LEPR: variants seen among roughly 807,000 people sequenced by gnomAD.
The protein encoded by LEPR is leptin receptor.
Under a neutral mutation model 114.7 loss-of-function variants are expected in LEPR, and 56 were observed. That is an observed-to-expected ratio of 0.49 (90% CI 0.39 to 0.61). LEPR has a LOEUF of 0.61. Among genes scored for constraint, LEPR ranks in the 20% least tolerant of loss-of-function variants. The pLI is 0.00. For missense variants in LEPR, 1,202 were observed against 1,352.9 expected (o/e 0.89, Z 1.75); for synonymous variants, 443 against 461.4 (o/e 0.96, Z 0.51).
intron 5 of LEPR, among the ~76,000 whole-genome samples, chr1:65,579,477 T>G (rs1243596245): frequency 6.6e-6 from 1 of 152,206 alleles, no homozygotes; most frequent in Non-Finnish European, 1.5e-5. Flanking sequence ...TACCTCAACT[T>G]CTGAGTATTG....
intron 2 of LEPR, among the ~76,000 whole-genome samples, chr1:65,478,802 T>C (rs1463086056): frequency 1.3e-5 from 2 of 152,100 alleles, no homozygotes; most frequent in African/African-American, 4.8e-5. Flanking sequence ...AGAAAAGTAG[T>C]CAACCACCAT....
At chr1:65,598,936 A>T in intron 8 of LEPR, 132 bp downstream of exon 8, 5 of 1,357,840 alleles carry the variant, frequency 3.7e-6, no homozygotes, top group Non-Finnish European at 4.0e-6. Flanking sequence ...TCCTTGTTTA[A>T]ACTTTGAACA....
At chr1:65,466,376 G>A (rs1647012693) in intron 2 of LEPR, among the ~76,000 whole-genome samples, 1 of 152,182 alleles carries the variant, frequency 6.6e-6, no homozygotes, top group South Asian at 2.1e-4. Flanking sequence ...GGCTTGTAGG[G>A]TTTCTGCCGA....
At chr1:65,521,121 C>A (rs1782755) in intron 2 of LEPR, among the ~76,000 whole-genome samples, 38,398 of 152,182 alleles carry the variant, frequency 0.25, 6,116 homozygotes, top group African/African-American at 0.44. Flanking sequence ...CTGATTTTTC[C>A]GTAACAGACG....
chr1:65,557,863 T>G (rs1652936072), intron 2 of LEPR, among the ~76,000 whole-genome samples: 1 of 152,226 alleles, frequency 6.6e-6, no homozygotes, highest in Non-Finnish European at 1.5e-5. Flanking sequence ...CTTTTTACAC[T>G]TGTGATTGTT....
At chr1:65,449,684 CT>C (rs370512340) in intron 2 of LEPR, among the ~76,000 whole-genome samples, 283 of 139,712 alleles carry the variant, frequency 2.0e-3, no homozygotes, top group East Asian at 2.7e-3. Context: ...GCCTATTTAT[CT>C]TTTTTTTTTT....
intron 3 of LEPR, among the ~76,000 whole-genome samples, chr1:65,569,874 A>G (rs1210264220): frequency 2.0e-5 from 3 of 152,044 alleles, no homozygotes; most frequent in Non-Finnish European, 4.4e-5. Context: ...TTTTTGTGTA[A>G]TGTGCTAAGG....
Position 65,636,356 on chromosome 1 carries a change from G to A in LEPR, c.2839G>A (p.Asp947Asn), listed in dbSNP as rs1051707790. 1 of 1,614,042 alleles carries A rather than the reference G, an allele frequency of 6.2e-7. No homozygotes were observed. The highest frequency in any genetic ancestry group is 8.5e-7 in the Non-Finnish European group (1 of 1,179,982). Reference protein sequence around the residue: ...TTVVSLLSTTDLEKGSVCISD... With the variant: ...TTVVSLLSTTNLEKGSVCISD... ...TGTGGTCTCTCTACTTTCAACAACA[G>A]ATCTTGAAAAGGGTTCTGTTTGTAT... is the stretch of plus-strand genomic sequence containing the variant. The change falls in exon 20 of 20, where the codon GAT becomes AAT. Residue 947 changes from aspartate (D) to asparagine (N), a missense_variant. By Grantham distance (23) the Asp-to-Asn change is conservative. Transcript: ENST00000349533.
chr1:65,501,767 A>C (rs1648465731), intron 2 of LEPR, among the ~76,000 whole-genome samples: 1 of 152,138 alleles, frequency 6.6e-6, no homozygotes, highest in South Asian at 2.1e-4. Context: ...GCAGTGTCAA[A>C]TATGTGAATC....
intron 2 of LEPR, chr1:65,434,356 C>A (rs1391458126): frequency 1.0e-6 from 1 of 985,030 alleles, no homozygotes; most frequent in Non-Finnish European, 1.2e-6. Context: ...TTTGGAGATT[C>A]AGAGCATAGT....
chr1:65,425,931 A>G (rs983286176), intron 2 of LEPR, among the ~76,000 whole-genome samples: 1 of 152,146 alleles, frequency 6.6e-6, no homozygotes, highest in Non-Finnish European at 1.5e-5. Context: ...AATGCTTCCC[A>G]TGTGCCAGCT....
chr1:65,539,074 TTG>T (rs1650986942), intron 2 of LEPR, among the ~76,000 whole-genome samples: 1 of 150,602 alleles, frequency 6.6e-6, no homozygotes, highest in Non-Finnish European at 1.5e-5. Context: ...TTTTTTTTTT[TTG>T]CCTTTGGGGG....
intron 2 of LEPR, among the ~76,000 whole-genome samples, chr1:65,541,671 T>C (rs1442555103): frequency 1.3e-5 from 2 of 152,202 alleles, no homozygotes; most frequent in African/African-American, 4.8e-5. Context: ...TGTTAAATTT[T>C]TGATACTTGA....
chr1:65,615,933 T>G, intron 14 of LEPR, 75 bp from the exon 15 acceptor site: 2 of 1,586,880 alleles, frequency 1.3e-6, no homozygotes, highest in Non-Finnish European at 1.7e-6. Context: ...AAATGTAGAA[T>G]GAGAGTTATG....
intron 2 of LEPR, among the ~76,000 whole-genome samples, chr1:65,523,729 T>G (rs1649758566): frequency 1.3e-5 from 2 of 152,354 alleles, no homozygotes; most frequent in South Asian, 4.1e-4. Flanking sequence ...TTGATCTCTA[T>G]TAGTTTACTA....
chr1:65,633,257 A>ACC lies in LEPR; in HGVS notation c.2674-2934_2674-2933insCC, dbSNP rs1225305808. ...TTAGAAGATTTTTACATTTTGAAGA[A>ACC]GGGGAGCAAATCTAAAAAAAATTCA... On this transcript the variant is annotated intron_variant, in intron 19 of 19. Transcript: ENST00000349533. The surrounding 1 kb of genome is among the most constrained non-coding windows in gnomAD (Gnocchi z 4.1). 2.6e-6 allele frequency: 4 copies of ACC among 1,566,212 alleles called. No individual in the cohort carries two copies. The highest frequency in any genetic ancestry group is 3.4e-6 in the Non-Finnish European group (4 of 1,160,550).
At chr1:65,526,686 A>G (rs1260434675) in intron 2 of LEPR, among the ~76,000 whole-genome samples, 1 of 152,112 alleles carries the variant, frequency 6.6e-6, no homozygotes, top group Non-Finnish European at 1.5e-5. Context: ...TTTATTACCT[A>G]TGACACTGTG....
chr1:65,549,266 T>G (rs567825524), intron 2 of LEPR, among the ~76,000 whole-genome samples: 151 of 150,624 alleles, frequency 1.0e-3, no homozygotes, highest in African/African-American at 3.4e-3. Flanking sequence ...TCAACTTTGG[T>G]GAATCTGACA....
chr1:65,490,742 G>T (rs1029797919), intron 2 of LEPR, among the ~76,000 whole-genome samples: 3 of 151,806 alleles, frequency 2.0e-5, no homozygotes, highest in African/African-American at 7.3e-5. Context: ...TTTATCCTTG[G>T]GCCTAAAAAC....
Sources: gnomAD v4.1 joint callset for allele counts (sites outside exome capture counted in the v4.1 genomes callset) on GRCh38, gnomAD v4.1.1 for gene constraint, Gnocchi (gnomAD v3.1) non-coding constraint, MANE v1.5 for transcripts, NCBI Gene and HGNC (gene_info 2026-07-23, HGNC 2026-07-21) for gene names.